The following OR2A1 variants were observed in gnomAD, a reference collection of about 807,000 sequenced individuals.
The protein encoded by OR2A1 is olfactory receptor family 2 subfamily A member 1, also known as olfactory receptor 2A1/2A42.
For synonymous variants in OR2A1, 2 were observed against 94.7 expected (o/e 0.02, Z 5.68); for missense variants, 1 against 212.3 (o/e 0.00, Z 6.19).
At position 144,321,583 on chromosome 7, in the gene OR2A1, G is replaced by C. The variant is rs1466531198; in HGVS notation, c.*2526G>C. On this transcript the variant is annotated 3_prime_UTR_variant, in exon 2 of 2. Transcript: ENST00000641044. ...GTGCGTACCGGAGGCCCTGGTTCTA[G>C]TTCCAGATGTACCATTTGCTAGCTG... The C allele has an allele frequency of 6.6e-6, 1 of 150,640 alleles. No individual in the cohort carries two copies. The allele number at this position is 150,640 out of a possible 1,614,324, so 9.3% of individuals were successfully genotyped here. A position where few individuals can be genotyped will look rare whatever the true frequency, so the allele number is the denominator to read the frequency against.
intron 1 of OR2A1, among the ~76,000 whole-genome samples, chr7:144,316,168 T>C (rs2053075559): frequency 1.3e-5 from 2 of 150,810 alleles, no homozygotes; most frequent in Non-Finnish European, 3.0e-5. Flanking sequence ...CTTGGCCATG[T>C]GTTATGAAGT....
chr7:144,316,864 A>ATTTTTC (rs1417466793), intron 1 of OR2A1, among the ~76,000 whole-genome samples: 80 of 137,486 alleles, frequency 5.8e-4, no homozygotes, highest in African/African-American at 2.1e-3. Context: ...TTCTTCAGAG[A>ATTTTTC]TAAGCAGGTT....
At chr7:144,316,075 G>A (rs1243432282) in intron 1 of OR2A1, among the ~76,000 whole-genome samples, 3 of 149,286 alleles carry the variant, frequency 2.0e-5, no homozygotes, top group African/African-American at 7.3e-5. Context: ...TATTTCATAT[G>A]CTTTGCGTGT....
Position 144,318,773 on chromosome 7 carries a change from T to TA in OR2A1, c.650dup (p.Tyr217Ter). Reference protein sequence around the residue: ...VGPPSLVLVSYSHILAAILRI... With the variant: ...VGPPSLVLVS ...GCCACCCAGCCTGGTGCTTGTCTCC[T>TA]ACTCGCACATCCTGGCGGCCATCCT... The change falls in exon 2 of 2, where the codon TAC (tyrosine) becomes TAAC (stop). Residue 217 changes from tyrosine to a stop codon, truncating the protein, a stop_gained and frameshift_variant. Coordinates refer to ENST00000641044, the MANE Select transcript of OR2A1 (RefSeq NM_001005287.2). LOFTEE classifies it high-confidence loss of function. 2.0e-6 allele frequency: 1 copy of TA among 509,852 alleles called. No individual in the cohort carries two copies. Among genetic ancestry groups the TA allele is most frequent in the Admixed American group, 3.9e-5 (1 of 25,444 alleles). The allele number at this position is 509,852 out of a possible 1,614,324, so 31.6% of individuals were successfully genotyped here.
chr7:144,316,531 A>G (rs577331755), intron 1 of OR2A1, among the ~76,000 whole-genome samples: 1 of 146,892 alleles, frequency 6.8e-6, no homozygotes, highest in African/African-American at 2.5e-5. Context: ...GTTCCCCTCT[A>G]TGTGTCCATG....
At position 144,321,935 on chromosome 7, in the gene OR2A1, C is replaced by T. The variant is rs1033346035; in HGVS notation, c.*2878C>T. ...GCCCTCATGGCTTCCCCTTGTCCCC[C>T]CTAGAGGCACAGGAGGCCACTCACT... On this transcript the variant is annotated 3_prime_UTR_variant, in exon 2 of 2. Coordinates refer to ENST00000641044, the MANE Select transcript of OR2A1 (RefSeq NM_001005287.2). The T allele has an allele frequency of 2.2e-5, 2 of 89,278 alleles. No individual in the cohort carries two copies. The highest frequency in any genetic ancestry group is 2.1e-4 in the East Asian group (1 of 4,712). 5.5% of individuals were successfully genotyped at this position (89,278 alleles called of 1,614,324 possible).
In OR2A1 at chr7:144,315,010, A is replaced by AT. The variant is rs78910705; in HGVS notation, c.-5+2473dup. Among the ~76,000 whole-genome samples the AT allele has an allele frequency of 1.1e-3, 53 of 50,064 alleles. 8 individuals are homozygous for AT. Among genetic ancestry groups the AT allele is most frequent in the South Asian group, 0.01 (20 of 1,922 alleles). 32.8% of individuals were successfully genotyped at this position (50,064 alleles called of 152,430 possible). ...GTAAATTTTCTTAAAATATTATGTG[A>AT]TTTTTTTTTTAAGTTCGTTAGCCAT... On this transcript the variant is annotated intron_variant, in intron 1 of 1. Transcript: ENST00000641044.
chr7:144,316,552 A>C (rs1477152311), intron 1 of OR2A1, among the ~76,000 whole-genome samples: 2 of 149,578 alleles, frequency 1.3e-5, no homozygotes, highest in Non-Finnish European at 3.0e-5. Context: ...TGTTCTCATC[A>C]TTTAGCTCCT....
Position 144,320,451 on chromosome 7 carries a change from T to G in OR2A1, c.*1394T>G, listed in dbSNP as rs868408896. ...GCACACACACACACACACACACACATATACGCACAGTGCTTAGTGAAGCAC... is the reference window on the plus strand; with the variant it reads ...GCACACACACACACACACACACACAGATACGCACAGTGCTTAGTGAAGCAC... On this transcript the variant is annotated 3_prime_UTR_variant, in exon 2 of 2. Transcript: ENST00000641044. 3 of 119,860 alleles carry G rather than the reference T, an allele frequency of 2.5e-5. No homozygotes were observed. Among genetic ancestry groups the G allele is most frequent in the Non-Finnish European group, 5.1e-5 (3 of 58,688 alleles). The allele number at this position is 119,860 out of a possible 1,614,324, so 7.4% of individuals were successfully genotyped here. A position where few individuals can be genotyped will look rare whatever the true frequency, so the allele number is the denominator to read the frequency against.
intron 1 of OR2A1, among the ~76,000 whole-genome samples, chr7:144,313,113 A>G (rs1445338700): frequency 2.2e-5 from 2 of 92,926 alleles, no homozygotes; most frequent in African/African-American, 8.0e-5. Flanking sequence ...TAACTAATAA[A>G]TGTGCATCTG....
chr7:144,316,003 A>AAAAT (rs2053072208), intron 1 of OR2A1, among the ~76,000 whole-genome samples: 2 of 107,670 alleles, frequency 1.9e-5, no homozygotes, highest in Non-Finnish European at 4.4e-5. Flanking sequence ...CCGTCTCAAA[A>AAAAT]AAATAAATAA....
In OR2A1 at chr7:144,318,982, CCT is replaced by C. The variant is rs1292619423; in HGVS notation, c.859_860del (p.Leu287AspfsTer86). 7 of 525,900 alleles carry C rather than the reference CCT, an allele frequency of 1.3e-5. No individual in the cohort carries two copies. The highest frequency in any genetic ancestry group is 7.5e-5 in the Admixed American group (2 of 26,564). 32.6% of individuals were successfully genotyped at this position (525,900 alleles called of 1,614,324 possible). ...GTTTTTTCAACCCAACACTTAACCC[CCT>C]GATTTACAGCCTGAGGAACGGAGAG... is the stretch of plus-strand genomic sequence containing the variant. ...YSFFNPTLNPLIYSLRNGEVK... is the reference protein window; with the variant it reads ...YSFFNPTLNPXIYSLRNGEVK... On this transcript the variant is annotated frameshift_variant, in exon 2 of 2. Coordinates refer to ENST00000641044, the MANE Select transcript of OR2A1 (RefSeq NM_001005287.2). LOFTEE classifies it low-confidence loss of function (END_TRUNC).
chr7:144,313,269 C>A (rs1322938746), intron 1 of OR2A1, among the ~76,000 whole-genome samples: 1 of 100,902 alleles, frequency 9.9e-6, no homozygotes, highest in Non-Finnish European at 2.0e-5. Flanking sequence ...TCTAGTTAGT[C>A]AATAAATAAT....
intron 1 of OR2A1, among the ~76,000 whole-genome samples, chr7:144,313,409 G>GTTGTCTGT (rs2053042848): frequency 2.1e-5 from 1 of 47,632 alleles, no homozygotes; most frequent in Non-Finnish European, 3.5e-5. Flanking sequence ...TTTTTTTGTT[G>GTTGTCTGT]TTGTTTGTTT....
At chr7:144,313,131 A>C (rs1489457932) in intron 1 of OR2A1, among the ~76,000 whole-genome samples, 2 of 96,136 alleles carry the variant, frequency 2.1e-5, no homozygotes. Flanking sequence ...CTGACCACTA[A>C]GCCCATGGCT....
intron 1 of OR2A1, 145 bp from the exon 2 acceptor site, chr7:144,317,975 TG>T: frequency 3.2e-6 from 1 of 315,786 alleles, no homozygotes; most frequent in South Asian, 2.5e-5. Context: ...TCTATAACAC[TG>T]GATACTTACA....
At chr7:144,316,166 T>C (rs1294654072) in intron 1 of OR2A1, among the ~76,000 whole-genome samples, 2 of 150,910 alleles carry the variant, frequency 1.3e-5, no homozygotes, top group Admixed American at 6.8e-5. Context: ...CCCTTGGCCA[T>C]GTGTTATGAA....
chr7:144,320,426 G>GCGCACA lies in OR2A1; in HGVS notation c.*1370_*1371insGCACAC, dbSNP rs368083538. On this transcript the variant is annotated 3_prime_UTR_variant, in exon 2 of 2. Coordinates refer to ENST00000641044, the MANE Select transcript of OR2A1 (RefSeq NM_001005287.2). ...CTCACATGCTCACGTACATGCGTGTGCACACACACACACACACACACACAT... is the reference window on the plus strand; with the variant it reads ...CTCACATGCTCACGTACATGCGTGTGCGCACACACACACACACACACACACACACAT... The GCGCACA allele has an allele frequency of 7.6e-4, 95 of 124,234 alleles. No homozygotes were observed. The highest frequency in any genetic ancestry group is 3.4e-3 in the African/African-American group (90 of 26,168). 7.7% of individuals were successfully genotyped at this position (124,234 alleles called of 1,614,324 possible).
At position 144,313,254 on chromosome 7, in the gene OR2A1, T is replaced by C. The variant is rs188574147; in HGVS notation, c.-5+707T>C. On this transcript the variant is annotated intron_variant, in intron 1 of 1. Coordinates refer to ENST00000641044, the MANE Select transcript of OR2A1 (RefSeq NM_001005287.2). Reference sequence around the variant, plus strand: ...TTTGCTTTCTCATATTTAATCAAATTGATATCTAGTTAGTCAATAAATAAT... The same window carrying C: ...TTTGCTTTCTCATATTTAATCAAATCGATATCTAGTTAGTCAATAAATAAT... 3.9e-4 allele frequency among the ~76,000 whole-genome samples: 40 copies of C among 102,112 alleles called. 10 individuals carry two copies. The East Asian group carries it at 0.025, about 64-fold the overall frequency. The allele number at this position is 102,112 out of a possible 152,430, so 67.0% of individuals were successfully genotyped here. A position where few individuals can be genotyped will look rare whatever the true frequency, so the allele number is the denominator to read the frequency against.
Sources: gnomAD v4.1 joint callset for allele counts (sites outside exome capture counted in the v4.1 genomes callset) on GRCh38, gnomAD v4.1.1 for gene constraint, MANE v1.5 for transcripts, NCBI Gene and HGNC (gene_info 2026-07-23, HGNC 2026-07-21) for gene names.